The following MMD2 variants were observed in gnomAD, a reference collection of about 807,000 sequenced individuals.
MMD2 encodes the protein monocyte to macrophage differentiation factor 2.
In MMD2, 30 loss-of-function variants were observed where a neutral mutation model predicts 33.5. That is an observed-to-expected ratio of 0.90 (90% CI 0.67 to 1.22). The LOEUF is 1.22. MMD2 is among the 50% of genes most tolerant of loss of function. MMD2 has a pLI of 0.00. For missense variants in MMD2, 364 were observed against 325.4 expected (o/e 1.12, Z -0.91); for synonymous variants, 129 against 123.0 (o/e 1.05, Z -0.32).
intron 6 of MMD2, among the ~76,000 whole-genome samples, chr7:4,909,346 G>A (rs1260004400): frequency 1.3e-5 from 2 of 150,276 alleles, no homozygotes; most frequent in African/African-American, 4.9e-5. Context: ...AGAATAGGAG[G>A]GAATTAAGCA....
intron 3 of MMD2, among the ~76,000 whole-genome samples, chr7:4,919,766 C>T (rs982858983): frequency 1.7e-4 from 26 of 152,172 alleles, no homozygotes; most frequent in African/African-American, 6.3e-4. Context: ...CGTGGTGGTG[C>T]ATACCTGTAG....
intron 1 of MMD2, among the ~76,000 whole-genome samples, chr7:4,957,173 A>ATATAT (rs996485036): frequency 1.6e-5 from 2 of 127,338 alleles, no homozygotes; most frequent in African/African-American, 2.7e-5. Context: ...CAAAAAAAAA[A>ATATAT]ATATATATAT....
intron 1 of MMD2, among the ~76,000 whole-genome samples, chr7:4,927,417 T>C (rs932862915): frequency 6.6e-6 from 1 of 152,092 alleles, no homozygotes; most frequent in Non-Finnish European, 1.5e-5. Flanking sequence ...TGGTGGCATG[T>C]GCCTGTAATC....
chr7:4,942,791 T>G (rs962300178), intron 1 of MMD2, among the ~76,000 whole-genome samples: 1 of 151,300 alleles, frequency 6.6e-6, no homozygotes, highest in Non-Finnish European at 1.5e-5. Context: ...TTTTTGTTTG[T>G]TTTTTAGTAG....
At chr7:4,952,928 C>T (rs1308914615) in intron 1 of MMD2, among the ~76,000 whole-genome samples, 2 of 152,110 alleles carry the variant, frequency 1.3e-5, no homozygotes, top group Non-Finnish European at 2.9e-5. Flanking sequence ...CTGCCTGCTT[C>T]GGCCTCCCAA....
intron 6 of MMD2, among the ~76,000 whole-genome samples, chr7:4,909,013 T>G (rs1784938628): frequency 6.6e-6 from 1 of 151,996 alleles, no homozygotes; most frequent in Admixed American, 6.6e-5. Context: ...TTACTACCAC[T>G]GAACTGAATA....
the MMD2 span, among the ~76,000 whole-genome samples, chr7:4,897,577 G>A: frequency 6.6e-6 from 1 of 152,210 alleles, no homozygotes; most frequent in African/African-American, 2.4e-5. Flanking sequence ...ACCTGCAGAG[G>A]TGGGAAAGCT....
intron 2 of MMD2, among the ~76,000 whole-genome samples, chr7:4,923,033 A>C (rs1380998769): frequency 1.3e-5 from 2 of 151,950 alleles, no homozygotes; most frequent in African/African-American, 4.8e-5. Flanking sequence ...GTCAGAGGAG[A>C]TCATAAATAG....
chr7:4,935,735 A>G (rs538014553), intron 1 of MMD2, among the ~76,000 whole-genome samples: 1 of 151,380 alleles, frequency 6.6e-6, no homozygotes, highest in Admixed American at 6.6e-5. Context: ...CTAGACCATG[A>G]TGCTTGGCAT....
intron 1 of MMD2, among the ~76,000 whole-genome samples, chr7:4,933,668 T>TA (rs1354301210): frequency 6.6e-6 from 1 of 152,060 alleles, no homozygotes; most frequent in Non-Finnish European, 1.5e-5. Flanking sequence ...AGATAGGGTC[T>TA]ATCACCCTGG....
rs1408614683 is a variant in MMD2 at position 4,940,767 on chromosome 7, G to A, written c.48-15235C>T. Among the ~76,000 whole-genome samples, 3 of 152,208 alleles carry A rather than the reference G, an allele frequency of 2.0e-5. No homozygotes were observed. Among genetic ancestry groups the A allele is most frequent in the Non-Finnish European group, 4.4e-5 (3 of 68,026 alleles). On this transcript the variant is annotated intron_variant, in intron 1 of 6. Coordinates refer to ENST00000401401, the MANE Select transcript of MMD2 (RefSeq NM_198403.4). This position sits in a 1 kb window ranked among gnomAD's most constrained non-coding sequence, Gnocchi z 5.0. ...TGAGCAAGGGGTGGAAGGGGCCCGG[G>A]CTTGCATCTCGTGCCAGAGGCGCGG...
the MMD2 span, among the ~76,000 whole-genome samples, chr7:4,900,049 C>T: frequency 5.3e-5 from 8 of 152,080 alleles, no homozygotes; most frequent in African/African-American, 1.9e-4. Context: ...TGGCTGTAAT[C>T]CTCGCACTTT....
At chr7:4,919,948 G>T (rs1785232279) in intron 3 of MMD2, among the ~76,000 whole-genome samples, 1 of 152,148 alleles carries the variant, frequency 6.6e-6, no homozygotes, top group Non-Finnish European at 1.5e-5. Flanking sequence ...GCTCCCGTGG[G>T]CGAGGTGGTC....
chr7:4,952,659 T>TG (rs1349211581), intron 1 of MMD2, among the ~76,000 whole-genome samples: 2 of 151,018 alleles, frequency 1.3e-5, no homozygotes, highest in Non-Finnish European at 3.0e-5. Flanking sequence ...ACTGCACATG[T>TG]GGGGATCTCG....
At chr7:4,925,361 T>A in intron 2 of MMD2, 90 bp downstream of exon 2, 1 of 1,073,320 alleles carries the variant, frequency 9.3e-7, no homozygotes, top group Non-Finnish European at 1.3e-6. Flanking sequence ...ACAGGCCACT[T>A]AGGACATACG....
chr7:4,901,431 G>A (rs1041451498), downstream of MMD2, among the ~76,000 whole-genome samples: 7 of 152,220 alleles, frequency 4.6e-5, no homozygotes, highest in South Asian at 4.1e-4. Context: ...ACAGAGAACC[G>A]ATCTCAAAAA....
chr7:4,958,290 A>AC (rs1786442989), intron 1 of MMD2, among the ~76,000 whole-genome samples: 1 of 152,062 alleles, frequency 6.6e-6, no homozygotes, highest in African/African-American at 2.4e-5. Context: ...AAAAGGAGAA[A>AC]CCCCCTCCCC....
intron 1 of MMD2, among the ~76,000 whole-genome samples, chr7:4,949,564 T>G (rs1442379852): frequency 6.6e-6 from 1 of 151,702 alleles, no homozygotes; most frequent in Non-Finnish European, 1.5e-5. Context: ...CACGCTGGAG[T>G]GCAATGGTGC....
At chr7:4,945,185 T>TTTCTTC (rs778065489) in intron 1 of MMD2, among the ~76,000 whole-genome samples, 7,206 of 93,360 alleles carry the variant, frequency 0.077, 440 homozygotes, top group Non-Finnish European at 0.087. Flanking sequence ...CCTCTTCCTC[T>TTTCTTC]TTCTTCTTCT....
Sources: allele counts gnomAD v4.1 joint callset (sites outside exome capture counted in the v4.1 genomes callset), GRCh38; gene constraint gnomAD v4.1.1; non-coding constraint Gnocchi (gnomAD v3.1); transcripts MANE v1.5; gene names NCBI Gene and HGNC (gene_info 2026-07-23, HGNC 2026-07-21).